Variants in IL3RA observed in about 807,000 individuals in gnomAD.
The protein encoded by IL3RA is interleukin-3 receptor subunit alpha.
A neutral mutation model predicts 52.3 loss-of-function variants in IL3RA; 73 were observed. The ratio of observed to expected loss-of-function variants is 1.40; its 90% CI spans 1.16 to 1.70. The LOEUF (loss-of-function observed/expected upper bound fraction) is 1.70, where lower values mean the gene tolerates loss of function less well. IL3RA is among the 40% of genes most tolerant of loss of function. The pLI is 0.00. For synonymous variants in IL3RA, 260 were observed against 194.0 expected, an observed-to-expected ratio of 1.34 and a Z score of -2.83; for missense variants, 664 against 504.4, an observed-to-expected ratio of 1.32 and a Z score of -3.03.
intron 8 of IL3RA, among the ~76,000 whole-genome samples, chrX:1,361,016 C>CCT (rs1365221329): frequency 1.2e-5 from 1 of 85,000 alleles, no homozygotes; most frequent in African/African-American, 6.4e-5. Flanking sequence ...TCTCCCTTCC[C>CCT]CTCTGTCTCT....
chrX:1,356,140 T>A, intron 6 of IL3RA, 81 bp from the exon 7 acceptor site: 2 of 889,836 alleles, frequency 2.2e-6, no homozygotes, highest in East Asian at 4.9e-5. Flanking sequence ...ATTTGAAGTA[T>A]CTCCAGAAAA....
intron 10 of IL3RA, among the ~76,000 whole-genome samples, chrX:1,379,798 T>C (rs2089050862): frequency 6.6e-6 from 1 of 152,104 alleles, no homozygotes; most frequent in Admixed American, 6.5e-5. Context: ...TTGCTTTTGT[T>C]GCCCAGCCTG....
chrX:1,346,934 C>T (rs1308484139), intron 3 of IL3RA, among the ~76,000 whole-genome samples: 2 of 151,262 alleles, frequency 1.3e-5, no homozygotes, highest in East Asian at 1.9e-4. Flanking sequence ...CAAATACAGT[C>T]CCATTGAACT....
chrX:1,342,559 CTTTTTTT>C (rs751414193), intron 2 of IL3RA, among the ~76,000 whole-genome samples: 1 of 111,318 alleles, frequency 9.0e-6, no homozygotes, highest in Non-Finnish European at 1.8e-5. Context: ...TCTTTAACTT[CTTTTTTT>C]TTTTTTTTTT....
intron 3 of IL3RA, among the ~76,000 whole-genome samples, chrX:1,346,653 T>C (rs2085756725): frequency 6.6e-6 from 1 of 151,356 alleles, no homozygotes; most frequent in African/African-American, 2.5e-5. Flanking sequence ...AAGTGTGTGC[T>C]CAGGAAACAA....
At chrX:1,351,631 G>GT (rs1220332359) in intron 4 of IL3RA, among the ~76,000 whole-genome samples, 2 of 135,320 alleles carry the variant, frequency 1.5e-5, no homozygotes, top group African/African-American at 5.5e-5. Context: ...GCCTGGGTTT[G>GT]TTTTTTTATT....
rs1226098615 is a variant in IL3RA, at chrX:1,381,007, T to A, written c.981-16T>A. ...GGTTTTGGGTTCAGAGCTGGGCCAT[T>A]TCTCTTTCCTCCGAGGTATCTGGTG... On this transcript the variant is annotated splice_polypyrimidine_tract_variant and intron_variant, in intron 10 of 11. Transcript: ENST00000331035. 4.3e-6 allele frequency: 7 copies of A among 1,612,282 alleles called. No individual in the cohort carries two copies. The African/African-American group carries it at 8.0e-5, about 18-fold the overall frequency.
intron 9 of IL3RA, among the ~76,000 whole-genome samples, chrX:1,367,541 C>G (rs868106637): frequency 6.3e-3 from 101 of 16,098 alleles, no homozygotes; most frequent in Admixed American, 0.013. Context: ...GGGTGCGCGG[C>G]GTGAGCCGGG....
chrX:1,345,391 T>A lies in IL3RA; in HGVS notation c.140T>A (p.Val47Glu). ...QQLTWDLNRN[V>E]TDIECVKDAD... is the part of the protein sequence containing the mutation. ...TTGACCTGGGACCTTAACAGAAATG[T>A]GACCGATATCGAGTGTGTTAAAGAC... The change falls in exon 3 of 12, where the codon GTG becomes GAG. Residue 47 changes from valine (V) to glutamate (E), a missense_variant. Val to Glu is a moderately radical substitution (Grantham distance 121). Transcript: ENST00000331035. 6.2e-7 allele frequency: 1 copy of A among 1,610,690 alleles called. No homozygotes were observed. The highest frequency in any genetic ancestry group is 8.5e-7 in the Non-Finnish European group (1 of 1,177,884).
At chrX:1,343,712 A>G (rs2085590166) in intron 2 of IL3RA, among the ~76,000 whole-genome samples, 1 of 150,244 alleles carries the variant, frequency 6.7e-6, no homozygotes, top group Non-Finnish European at 1.5e-5. Flanking sequence ...ATCTTTGTAC[A>G]GGTCATTTAT....
At chrX:1,362,924 C>T (rs1441454871) in intron 8 of IL3RA, among the ~76,000 whole-genome samples, 12 of 151,922 alleles carry the variant, frequency 7.9e-5, no homozygotes, top group African/African-American at 2.2e-4. Flanking sequence ...TACAGGTGCA[C>T]ACCACCACGC....
intron 6 of IL3RA, 46 bp downstream of exon 6, chrX:1,352,552 C>T: frequency 6.3e-7 from 1 of 1,584,478 alleles, no homozygotes; most frequent in Non-Finnish European, 8.6e-7. Flanking sequence ...TCTGTGATAC[C>T]ACGGCTTTAG....
chrX:1,337,162 A>G (rs1377423237), intron 1 of IL3RA, among the ~76,000 whole-genome samples: 1 of 152,250 alleles, frequency 6.6e-6, no homozygotes, highest in Non-Finnish European at 1.5e-5. Flanking sequence ...TGAAGCCATC[A>G]TAGCATGTTA....
chrX:1,341,545 TGTG>T (rs1466133635), intron 1 of IL3RA, among the ~76,000 whole-genome samples, 180 bp from the exon 2 acceptor site: 3,870 of 20,904 alleles, frequency 0.19, 97 homozygotes, highest in East Asian at 0.43. Context: ...CACACTCTGA[TGTG>T]CATGCATGTG....
chrX:1,351,334 A>ATT (rs199846566), intron 4 of IL3RA, among the ~76,000 whole-genome samples: 3 of 67,422 alleles, frequency 4.4e-5, no homozygotes, highest in African/African-American at 1.7e-4. Context: ...TTAGAGTTTT[A>ATT]TTTTTTTTTT....
At chrX:1,382,354 G>T in intron 11 of IL3RA, 37 bp from the exon 12 acceptor site, 1 of 1,547,170 alleles carries the variant, frequency 6.5e-7, no homozygotes, top group Non-Finnish European at 8.8e-7. Flanking sequence ...TTATCTGGGG[G>T]GTGGCCGACT....
Position 1,378,722 on chromosome X carries a change from G to T in IL3RA, c.938G>T (p.Gly313Val), listed in dbSNP as rs201488781. Residue 313 changes from glycine to valine, a missense_variant, in exon 10 of 12, where the codon GGG (glycine) becomes GTG (valine). Coordinates refer to ENST00000331035, the MANE Select transcript of IL3RA (RefSeq NM_002183.4). ...CGGACGTCGCTGCTGATCGCGCTGG[G>T]GACGCTGCTGGCCCTGGTCTGTGTC... is the stretch of plus-strand genomic sequence containing the variant. ...AWRTSLLIALGTLLALVCVFV... is the reference protein window; with the variant it reads ...AWRTSLLIALVTLLALVCVFV... 2.8e-5 allele frequency: 45 copies of T among 1,612,420 alleles called. No homozygotes were observed. Among genetic ancestry groups the T allele is most frequent in the Non-Finnish European group, 3.2e-5 (38 of 1,179,856 alleles).
chrX:1,367,664 C>A (rs1431766112), intron 9 of IL3RA, among the ~76,000 whole-genome samples: 2 of 104,220 alleles, frequency 1.9e-5, no homozygotes, highest in Non-Finnish European at 3.8e-5. Flanking sequence ...GCGGGGTGAG[C>A]CGGGTGCGCG....
rs2088960392 is a variant in IL3RA, at chrX:1,378,592, G to C, written c.875-67G>C. ...TCTCTGCTTCCCAGGGCCCCGGGGAGAGCTTACAGTCCCTGGTCCCCCCAG... is the reference window on the plus strand; with the variant it reads ...TCTCTGCTTCCCAGGGCCCCGGGGACAGCTTACAGTCCCTGGTCCCCCCAG... On this transcript the variant is annotated intron_variant, in intron 9 of 11. Transcript: ENST00000331035. 4.4e-6 allele frequency: 6 copies of C among 1,378,960 alleles called. No homozygotes were observed. The Admixed American group carries it at 9.5e-5, about 22-fold the overall frequency. 85.4% of individuals were successfully genotyped at this position (1,378,960 alleles called of 1,614,324 possible).
Sources: allele counts gnomAD v4.1 joint callset (sites outside exome capture counted in the v4.1 genomes callset), GRCh38; gene constraint gnomAD v4.1.1; transcripts MANE v1.5; gene names NCBI Gene and HGNC (gene_info 2026-07-23, HGNC 2026-07-21).